ZNF737: variants seen among roughly 807,000 people sequenced by gnomAD.
ZNF737 encodes zinc finger protein 737, also known as zinc finger protein 102 (Y3).
ZNF737 carries 13 observed loss-of-function variants against 11.7 expected under a neutral mutation model. The observed-to-expected ratio is 1.11, with a 90% confidence interval of 0.73 to 1.77. ZNF737 has a LOEUF of 1.77. Ranked by LOEUF, ZNF737 falls within the 40% of genes most tolerant of loss-of-function variation. ZNF737 has a pLI of 0.00. For missense variants in ZNF737, 636 were observed against 638.0 expected, an observed-to-expected ratio of 1.00 and a Z score of 0.03; for synonymous variants, 217 against 216.2, an observed-to-expected ratio of 1.00 and a Z score of -0.03.
chr19:20,542,272 A>G lies in ZNF737; in HGVS notation c.*2320T>C. Reference sequence around the variant, plus strand: ...AGACAGAGTTTTGCTCTTGTTGCCCAGACTGGAGTGCAATCGCACAATCTT... The same window carrying G: ...AGACAGAGTTTTGCTCTTGTTGCCCGGACTGGAGTGCAATCGCACAATCTT... On this transcript the variant is annotated 3_prime_UTR_variant, in exon 4 of 4. Transcript: ENST00000427401. The G allele has an allele frequency of 1.2e-6, 1 of 853,098 alleles. No individual in the cohort carries two copies. Among genetic ancestry groups the G allele is most frequent in the Non-Finnish European group, 1.4e-6 (1 of 710,108 alleles). 52.8% of individuals were successfully genotyped at this position (853,098 alleles called of 1,614,324 possible).
rs1380352281 is a variant in ZNF737 at position 20,545,193 on chromosome 19, C to A, written c.1010G>T (p.Gly337Val). ...TTCTTCACATTTGTAGGGTTTCTCT[C>A]CAGTATGAATTCTTTTATGTGTAGT... ...VLTTHKRIHT[G>V]EKPYKCEECG... Residue 337 changes from glycine to valine, a missense_variant, in exon 4 of 4, where the codon GGA becomes GTA. Coordinates refer to ENST00000427401, the MANE Select transcript of ZNF737 (RefSeq NM_001159293.2). 2.5e-6 allele frequency: 4 copies of A among 1,613,838 alleles called. No homozygotes were observed. The highest frequency in any genetic ancestry group is 3.4e-6 in the Non-Finnish European group (4 of 1,179,980).
intron 1 of ZNF737, among the ~76,000 whole-genome samples, chr19:20,560,523 G>A (rs1969052474): frequency 6.6e-6 from 1 of 152,160 alleles, no homozygotes; most frequent in Non-Finnish European, 1.5e-5. Flanking sequence ...GCTCATGCCT[G>A]TAATCCCACC....
intron 1 of ZNF737, among the ~76,000 whole-genome samples, chr19:20,556,347 A>G (rs1439432268): frequency 6.6e-6 from 1 of 152,104 alleles, no homozygotes; most frequent in African/African-American, 2.4e-5. Context: ...GGCACAAGAG[A>G]TTTCTGCAAA....
chr19:20,545,989 A>G lies in ZNF737; in HGVS notation c.227-13T>C. 2.6e-6 allele frequency: 4 copies of G among 1,532,118 alleles called. No homozygotes were observed. The highest frequency in any genetic ancestry group is 3.5e-6 in the Non-Finnish European group (4 of 1,146,142). 94.9% of individuals were successfully genotyped at this position (1,532,118 alleles called of 1,614,324 possible). ...TGAGAACACGTAACTGAAAGAAACAATAAAAGCACATTACTTCAATTGGTA... is the reference window on the plus strand; with the variant it reads ...TGAGAACACGTAACTGAAAGAAACAGTAAAAGCACATTACTTCAATTGGTA... On this transcript the variant is annotated splice_polypyrimidine_tract_variant and intron_variant, in intron 3 of 3. Coordinates refer to ENST00000427401, the MANE Select transcript of ZNF737 (RefSeq NM_001159293.2).
chr19:20,543,092 T>TTGA lies in ZNF737; in HGVS notation c.*1497_*1499dup. 1.0e-6 allele frequency: 1 copy of TTGA among 965,944 alleles called. No homozygotes were observed. The highest frequency in any genetic ancestry group is 1.2e-6 in the Non-Finnish European group (1 of 812,970). The allele number at this position is 965,944 out of a possible 1,614,324, so 59.8% of individuals were successfully genotyped here. On this transcript the variant is annotated 3_prime_UTR_variant, in exon 4 of 4. Transcript: ENST00000427401. Reference sequence around the variant, plus strand: ...CTTAGTTATTCTACTGTAAACTCTCTTGATATTTATATACAATCTATTTTG... The same window carrying TTGA: ...CTTAGTTATTCTACTGTAAACTCTCTTGATGATATTTATATACAATCTATTTTG...
chr19:20,552,995 G>A (rs547390058), intron 2 of ZNF737, among the ~76,000 whole-genome samples: 1 of 146,490 alleles, frequency 6.8e-6, no homozygotes, highest in African/African-American at 2.5e-5. Flanking sequence ...CTGGGTGACA[G>A]AGTGAGACTC....
At chr19:20,561,667 A>G (rs1254244100) in intron 1 of ZNF737, among the ~76,000 whole-genome samples, 47 of 151,852 alleles carry the variant, frequency 3.1e-4, no homozygotes, top group Non-Finnish European at 4.4e-4. Flanking sequence ...CAATTCTCCA[A>G]CACCAACTCA....
At chr19:20,552,688 AT>A in intron 2 of ZNF737, 118 bp from the exon 3 acceptor site, 1 of 627,556 alleles carries the variant, frequency 1.6e-6, no homozygotes, top group Non-Finnish European at 2.4e-6. Context: ...CAAAATACAA[AT>A]TTATAACAGA....
At position 20,542,415 on chromosome 19, in the gene ZNF737, A is replaced by G. The variant is rs1485728278; in HGVS notation, c.*2177T>C. 9 of 394,894 alleles carry G rather than the reference A, an allele frequency of 2.3e-5. No individual in the cohort carries two copies. Among genetic ancestry groups the G allele is most frequent in the Non-Finnish European group, 2.8e-5 (8 of 290,584 alleles). 24.5% of individuals were successfully genotyped at this position (394,894 alleles called of 1,614,324 possible). On this transcript the variant is annotated 3_prime_UTR_variant, in exon 4 of 4. Coordinates refer to ENST00000427401, the MANE Select transcript of ZNF737 (RefSeq NM_001159293.2). ...GGCTAATTTTTTTTGTATTTTTAGTAGAGACTGGGTTTCTCCATGTTGGTC... is the reference window on the plus strand; with the variant it reads ...GGCTAATTTTTTTTGTATTTTTAGTGGAGACTGGGTTTCTCCATGTTGGTC...
chr19:20,547,903 C>T (rs544505171), intron 3 of ZNF737, among the ~76,000 whole-genome samples: 1 of 152,214 alleles, frequency 6.6e-6, no homozygotes, highest in Admixed American at 6.5e-5. Context: ...GTAATCCTAG[C>T]AGTTTGGGAG....
rs1380500815 is a variant in ZNF737, at chr19:20,543,470, A to G, written c.*1122T>C. Reference sequence around the variant, plus strand: ...AATTGCCATTTTAATGCTTTTATTAAAAGGAAGATTTTTATGTTGAGTTAG... The same window carrying G: ...AATTGCCATTTTAATGCTTTTATTAGAAGGAAGATTTTTATGTTGAGTTAG... On this transcript the variant is annotated 3_prime_UTR_variant, in exon 4 of 4. Coordinates refer to ENST00000427401, the MANE Select transcript of ZNF737 (RefSeq NM_001159293.2). The G allele has an allele frequency of 1.0e-6, 1 of 985,266 alleles. No individual in the cohort carries two copies. Among genetic ancestry groups the G allele is most frequent in the Non-Finnish European group, 1.2e-6 (1 of 829,698 alleles). The allele number at this position is 985,266 out of a possible 1,614,324, so 61.0% of individuals were successfully genotyped here.
chr19:20,533,710 C>G (rs1258178519), downstream of ZNF737, among the ~76,000 whole-genome samples: 2 of 150,024 alleles, frequency 1.3e-5, no homozygotes, highest in African/African-American at 4.9e-5. Context: ...AAATAAGGCC[C>G]TGCATTTCTT....
At chr19:20,546,023 T>C (rs1555756989) in intron 3 of ZNF737, 47 bp from the exon 4 acceptor site, 5 of 1,516,620 alleles carry the variant, frequency 3.3e-6, no homozygotes, top group Non-Finnish European at 4.4e-6. Flanking sequence ...TAGACTCAGA[T>C]AAATATACTT....
At chr19:20,552,204 A>G (rs1968701281) in intron 3 of ZNF737, among the ~76,000 whole-genome samples, 1 of 152,090 alleles carries the variant, frequency 6.6e-6, no homozygotes, top group Non-Finnish European at 1.5e-5. Flanking sequence ...AGTATTTTAT[A>G]TGCCATGAAG....
rs1968142097 is a variant in ZNF737, at chr19:20,540,119, G to A, written c.*4473C>T. 1 of 985,240 alleles carries A rather than the reference G, an allele frequency of 1.0e-6. No individual in the cohort carries two copies. The allele number at this position is 985,240 out of a possible 1,614,324, so 61.0% of individuals were successfully genotyped here. A position where few individuals can be genotyped will look rare whatever the true frequency, so the allele number is the denominator to read the frequency against. ...TACTGGAAGCAACATGGAGGAGGCA[G>A]AAATGATGGCAAGATACAAACATTT... On this transcript the variant is annotated 3_prime_UTR_variant, in exon 4 of 4. Coordinates refer to ENST00000427401, the MANE Select transcript of ZNF737 (RefSeq NM_001159293.2).
In ZNF737 at chr19:20,540,444, C is replaced by T. The variant is rs1357805678; in HGVS notation, c.*4148G>A. Among the ~76,000 whole-genome samples the T allele has an allele frequency of 2.0e-5, 3 of 152,016 alleles. No homozygotes were observed. The highest frequency in any genetic ancestry group is 4.4e-5 in the Non-Finnish European group (3 of 68,010). On this transcript the variant is annotated 3_prime_UTR_variant, in exon 4 of 4. Transcript: ENST00000427401. The stretch of plus-strand genomic sequence containing the variant: ...TCCAGGGTATTATCTTAGAATGTTG[C>T]CTACCCACCTAAATAAATGTTTAAA...
the ZNF737 span, among the ~76,000 whole-genome samples, chr19:20,530,340 G>A: frequency 6.2e-5 from 9 of 144,770 alleles, no homozygotes; most frequent in African/African-American, 1.8e-4. Context: ...CCCGGACGGG[G>A]CAGCTGGCCG....
chr19:20,552,875 G>A (rs1425363817), intron 2 of ZNF737, among the ~76,000 whole-genome samples: 3 of 151,750 alleles, frequency 2.0e-5, no homozygotes, highest in Non-Finnish European at 2.9e-5. Context: ...AGCCAAACAC[G>A]GTGACTTGCC....
rs1201751592 is a variant in ZNF737, at chr19:20,552,586, T to C, written c.131-16A>G. The C allele has an allele frequency of 2.6e-6, 4 of 1,543,552 alleles. No individual in the cohort carries two copies. The highest frequency in any genetic ancestry group is 3.5e-6 in the Non-Finnish European group (4 of 1,138,976). On this transcript the variant is annotated splice_polypyrimidine_tract_variant and intron_variant, in intron 2 of 3. Transcript: ENST00000427401. ...ACAACAATACCTGTTTTATTAAAAATAAATAACATGAATCTTGCTCATATT... is the reference window on the plus strand; with the variant it reads ...ACAACAATACCTGTTTTATTAAAAACAAATAACATGAATCTTGCTCATATT...
Sources: allele counts gnomAD v4.1 joint callset (sites outside exome capture counted in the v4.1 genomes callset), GRCh38; gene constraint gnomAD v4.1.1; transcripts MANE v1.5; gene names NCBI Gene and HGNC (gene_info 2026-07-23, HGNC 2026-07-21).